Variants in ANXA5 observed in about 807,000 individuals in gnomAD.
The protein encoded by ANXA5 is annexin A5, also known as CBP-I.
In ANXA5, 40 loss-of-function variants were observed where a neutral mutation model predicts 48.1. That is an observed-to-expected ratio of 0.83 (90% CI 0.65 to 1.08). ANXA5 has a LOEUF of 1.08. ANXA5 is among the 50% of genes least tolerant of loss of function. ANXA5 has a pLI of 0.00. For missense variants in ANXA5, 357 were observed against 376.8 expected (o/e 0.95, Z 0.44); for synonymous variants, 113 against 129.1 (o/e 0.88, Z 0.85).
Position 121,696,295 on chromosome 4 carries a change from C to T in ANXA5, c.9+286G>A, listed in dbSNP as rs1180360016. On this transcript the variant is annotated intron_variant, in intron 2 of 12. Coordinates refer to ENST00000296511, the MANE Select transcript of ANXA5 (RefSeq NM_001154.4). ...GAAGGCCCACTTTTACACATTCACT[C>T]ATGAAAAGGGAGCGCACACAAATCC... Among the ~76,000 whole-genome samples, 20 of 152,058 alleles carry T rather than the reference C, an allele frequency of 1.3e-4. 1 individual carries two copies. The highest frequency in any genetic ancestry group is 1.3e-3 in the Admixed American group (20 of 15,274).
intron 2 of ANXA5, among the ~76,000 whole-genome samples, 200 bp downstream of exon 2, chr4:121,696,381 G>A (rs1201389040): frequency 6.6e-6 from 1 of 152,152 alleles, no homozygotes; most frequent in Non-Finnish European, 1.5e-5. Context: ...TGGTTCCGGA[G>A]GGCGCTCAGC....
Position 121,668,350 on chromosome 4 carries a change from C to T in ANXA5, c.*118G>A. The T allele has an allele frequency of 1.2e-6, 1 of 834,984 alleles. No individual in the cohort carries two copies. Among genetic ancestry groups the T allele is most frequent in the African/African-American group, 1.7e-5 (1 of 59,448 alleles). 51.7% of individuals were successfully genotyped at this position (834,984 alleles called of 1,614,324 possible). A position where few individuals can be genotyped will look rare whatever the true frequency, so the allele number is the denominator to read the frequency against. On this transcript the variant is annotated 3_prime_UTR_variant, in exon 13 of 13. Coordinates refer to ENST00000296511, the MANE Select transcript of ANXA5 (RefSeq NM_001154.4). Reference sequence around the variant, plus strand: ...ATGACGTGTATGTGTTGGTCATGAGCATGCTAGTATGAATAAGGCAATGTG... The same window carrying T: ...ATGACGTGTATGTGTTGGTCATGAGTATGCTAGTATGAATAAGGCAATGTG...
At chr4:121,686,840 C>T (rs1479785181) in intron 2 of ANXA5, among the ~76,000 whole-genome samples, 1 of 152,118 alleles carries the variant, frequency 6.6e-6, no homozygotes, top group South Asian at 2.1e-4. Context: ...TTTACGATAA[C>T]CCAGCAAAGC....
chr4:121,684,613 C>T (rs1724847501), intron 4 of ANXA5, 64 bp downstream of exon 4: 8 of 1,359,358 alleles, frequency 5.9e-6, no homozygotes, highest in Non-Finnish European at 8.3e-6. Flanking sequence ...TCAGTATATT[C>T]CAAACTAGTC....
At chr4:121,685,978 C>A (rs1724881267) in intron 3 of ANXA5, among the ~76,000 whole-genome samples, 1 of 151,842 alleles carries the variant, frequency 6.6e-6, no homozygotes, top group Admixed American at 6.6e-5. Flanking sequence ...GCTCTGAATG[C>A]AGCCTAACAC....
intron 10 of ANXA5, among the ~76,000 whole-genome samples, chr4:121,671,063 T>C (rs1724603468): frequency 6.6e-6 from 1 of 152,212 alleles, no homozygotes; most frequent in South Asian, 2.1e-4. Context: ...TTCTGAATAT[T>C]TAATTAAAAT....
chr4:121,690,124 C>A (rs148733249), intron 2 of ANXA5, among the ~76,000 whole-genome samples: 1 of 152,332 alleles, frequency 6.6e-6, no homozygotes, highest in Non-Finnish European at 1.5e-5. Context: ...AGGCACCGTG[C>A]ACAGAGCTTC....
At chr4:121,686,548 C>T (rs774014770) in intron 2 of ANXA5, among the ~76,000 whole-genome samples, 176 bp from the exon 3 acceptor site, 1 of 152,142 alleles carries the variant, frequency 6.6e-6, no homozygotes, top group African/African-American at 2.4e-5. Context: ...TGGGAATTGG[C>T]ATGGCCGATT....
chr4:121,671,810 T>C (rs1247387587), intron 9 of ANXA5, among the ~76,000 whole-genome samples, 168 bp from the exon 10 acceptor site: 1 of 152,166 alleles, frequency 6.6e-6, no homozygotes, highest in Non-Finnish European at 1.5e-5. Context: ...AGCAATGGAT[T>C]GTAAATATAC....
At chr4:121,682,029 T>C (rs376588567) in intron 5 of ANXA5, among the ~76,000 whole-genome samples, 33 of 152,286 alleles carry the variant, frequency 2.2e-4, no homozygotes, top group East Asian at 9.6e-4. Context: ...ACATAACCAG[T>C]TACATAAATT....
rs747141075 is a variant in ANXA5 at position 121,669,734 on chromosome 4, A to G, written c.781-10T>C. ...CATCTGTCCCAGCTCCCTTTAAAAA[A>G]AAAAAAAAAGAGAGAAGCAAAATGC... On this transcript the variant is annotated splice_polypyrimidine_tract_variant and intron_variant, in intron 11 of 12. Transcript: ENST00000296511. The G allele has an allele frequency of 1.3e-6, 2 of 1,580,156 alleles. No individual in the cohort carries two copies. The highest frequency in any genetic ancestry group is 1.7e-6 in the Non-Finnish European group (2 of 1,171,548).
Position 121,677,944 on chromosome 4 carries a change from T to A in ANXA5, c.481A>T (p.Arg161Ter). 8 of 1,613,578 alleles carry A rather than the reference T, an allele frequency of 5.0e-6. No homozygotes were observed. The highest frequency in any genetic ancestry group is 6.8e-6 in the Non-Finnish European group (8 of 1,179,546). The change falls in exon 8 of 13, where the codon AGA (arginine) becomes TGA (stop). Residue 161 changes from arginine (R) to a stop codon, truncating the protein, a stop_gained. Coordinates refer to ENST00000296511, the MANE Select transcript of ANXA5 (RefSeq NM_001154.4). LOFTEE classifies it high-confidence loss of function. ...RMLVVLLQAN[R>*]DPDAGIDEAQ... ...TCATCAATTCCAGCATCAGGGTCTC[T>A]GTTAGCCTATGAGAGGTAATATGTC...
intron 3 of ANXA5, 125 bp downstream of exon 3, chr4:121,686,163 C>A: frequency 1.1e-5 from 8 of 699,588 alleles, no homozygotes; most frequent in Admixed American, 2.7e-5. Context: ...ATTTTGTTAT[C>A]TTAACATATC....
chr4:121,693,031 C>A (rs751548359), intron 2 of ANXA5, among the ~76,000 whole-genome samples: 1 of 152,112 alleles, frequency 6.6e-6, no homozygotes, highest in Admixed American at 6.6e-5. Context: ...GTTAGGAGTT[C>A]GAGACTAGCC....
In ANXA5 at chr4:121,672,543, A is replaced by G. The variant is rs753925200; in HGVS notation, c.615T>C (p.His205=). 1.2e-5 allele frequency: 20 copies of G among 1,613,378 alleles called. No individual in the cohort carries two copies. The South Asian group carries it at 2.0e-4, about 16-fold the overall frequency. ...ATTTTTTTCACTCACCCTTTCTCAA[A>G]TGAGACACACTTCGTGTTCCAAAGA... ...ITIFGTRSVS[H]LRKVFDKYMT... The change falls in exon 9 of 13, where the codon CAT becomes CAC. Residue 205 remains histidine, a synonymous_variant. Transcript: ENST00000296511.
In ANXA5 at chr4:121,669,654, A is replaced by T; in HGVS notation, c.851T>A (p.Ile284Asn). The T allele has an allele frequency of 6.2e-7, 1 of 1,613,240 alleles. No homozygotes were observed. The highest frequency in any genetic ancestry group is 1.7e-4 in the Middle Eastern group (1 of 6,058). ...VSRSEIDLFNIRKEFRKNFAT... is the reference protein window; with the variant it reads ...VSRSEIDLFNNRKEFRKNFAT... ...AAAATTCTTCCTAAACTCCTTCCTG[A>T]TGTTAAACAGATCAATCTCACTCCT... is the stretch of plus-strand genomic sequence containing the variant. Residue 284 changes from isoleucine (I) to asparagine (N), a missense_variant, in exon 12 of 13, where the codon ATC (isoleucine) becomes AAC (asparagine). Ile to Asn is a moderately radical substitution (Grantham distance 149). Coordinates refer to ENST00000296511, the MANE Select transcript of ANXA5 (RefSeq NM_001154.4).
At chr4:121,686,446 C>A in intron 2 of ANXA5, 74 bp from the exon 3 acceptor site, 1 of 1,083,794 alleles carries the variant, frequency 9.2e-7, no homozygotes. Context: ...AACAGGAAGC[C>A]GCTTGCTATA....
chr4:121,676,221 TCTTCCCG>T (rs1263759080), intron 8 of ANXA5, among the ~76,000 whole-genome samples: 1 of 152,174 alleles, frequency 6.6e-6, no homozygotes, highest in Non-Finnish European at 1.5e-5. Context: ...GCTCTAGCCC[TCTTCCCG>T]AAAGAAGGTG....
intron 6 of ANXA5, among the ~76,000 whole-genome samples, chr4:121,680,660 C>A (rs956722960): frequency 9.2e-5 from 14 of 152,124 alleles, no homozygotes; most frequent in African/African-American, 2.9e-4. Context: ...GTTATTACCC[C>A]CTTTGAGCAC....
Sources: gnomAD v4.1 joint callset for allele counts (sites outside exome capture counted in the v4.1 genomes callset) on GRCh38, gnomAD v4.1.1 for gene constraint, MANE v1.5 for transcripts, NCBI Gene and HGNC (gene_info 2026-07-23, HGNC 2026-07-21) for gene names.